TANGO6: variants seen among roughly 807,000 people sequenced by gnomAD.
TANGO6 encodes the protein transport and Golgi organization protein 6 homolog.
In TANGO6, 90 loss-of-function variants were observed where a neutral mutation model predicts 114.2. The observed-to-expected ratio is 0.79, with a 90% confidence interval of 0.66 to 0.94. TANGO6 has a LOEUF of 0.94. Among genes scored for constraint, TANGO6 ranks in the 40% least tolerant of loss-of-function variants. The pLI, the probability that TANGO6 is intolerant of heterozygous loss-of-function variation, is 0.00. For missense variants in TANGO6, 1,274 were observed against 1,315.3 expected (o/e 0.97, Z 0.49); for synonymous variants, 477 against 509.8 (o/e 0.94, Z 0.87).
rs903550832 is a variant in TANGO6, at chr16:68,983,922, A to T, written c.2842+9754A>T. Among the ~76,000 whole-genome samples the T allele has an allele frequency of 4.0e-5, 6 of 151,656 alleles. No homozygotes were observed. In the South Asian group the frequency reaches 8.3e-4, roughly 21 times the overall value. On this transcript the variant is annotated intron_variant, in intron 15 of 17. Coordinates refer to ENST00000261778, the MANE Select transcript of TANGO6 (RefSeq NM_024562.2). ...TTGGCGGGTGCCTGTTGTCCCAGCT[A>T]CTCGGGAGGCTGAGGCAGGAGAATG...
At chr16:68,950,929 G>C (rs886642657) in intron 14 of TANGO6, among the ~76,000 whole-genome samples, 28 of 151,846 alleles carry the variant, frequency 1.8e-4, no homozygotes, top group Non-Finnish European at 4.1e-4. Flanking sequence ...GTTTTTTGTG[G>C]AGCTCTCAGG....
chr16:68,868,492 A>ATTTTTTT lies in TANGO6; in HGVS notation c.994+1289_994+1295dup, dbSNP rs765054621. Among the ~76,000 whole-genome samples, 268 of 93,644 alleles carry ATTTTTTT rather than the reference A, an allele frequency of 2.9e-3. 2 individuals are homozygous for ATTTTTTT. Among genetic ancestry groups the ATTTTTTT allele is most frequent in the Non-Finnish European group, 4.3e-3 (208 of 48,196 alleles). The allele number at this position is 93,644 out of a possible 152,430, so 61.4% of individuals were successfully genotyped here. On this transcript the variant is annotated intron_variant, in intron 4 of 17. Transcript: ENST00000261778. ...TTCTGGTATTTACCTCTATATTTCT[A>ATTTTTTT]TTTTTTTTTTTTTTTTTTTTTTTGA...
chr16:69,060,347 G>T (rs1960095751), intron 17 of TANGO6, among the ~76,000 whole-genome samples: 1 of 152,036 alleles, frequency 6.6e-6, no homozygotes, highest in South Asian at 2.1e-4. Context: ...CCAAAAGCTA[G>T]CACTTTGCCC....
At chr16:68,972,001 TCATTTTATATAATAGA>T (rs1963710414) in intron 14 of TANGO6, among the ~76,000 whole-genome samples, 1 of 152,152 alleles carries the variant, frequency 6.6e-6, no homozygotes, top group Non-Finnish European at 1.5e-5. Context: ...GACTTCTTCA[TCATTTTATATAATAGA>T]GTGAACTACA....
At chr16:69,012,200 C>T (rs1348538895) in intron 15 of TANGO6, among the ~76,000 whole-genome samples, 1 of 152,188 alleles carries the variant, frequency 6.6e-6, no homozygotes, top group Non-Finnish European at 1.5e-5. Context: ...TTAGAATCTA[C>T]TGGAGTAAGT....
chr16:68,967,709 G>A (rs1331057714), intron 14 of TANGO6, among the ~76,000 whole-genome samples: 1 of 152,316 alleles, frequency 6.6e-6, no homozygotes, highest in East Asian at 1.9e-4. Context: ...AAGTGAGTAG[G>A]TGGTTTTCCG....
intron 2 of TANGO6, among the ~76,000 whole-genome samples, chr16:68,861,381 C>T (rs1439286818): frequency 6.6e-6 from 1 of 152,214 alleles, no homozygotes; most frequent in Non-Finnish European, 1.5e-5. Flanking sequence ...TGTTCCTTTT[C>T]TCTTCTCTCT....
intron 15 of TANGO6, among the ~76,000 whole-genome samples, chr16:68,983,597 A>G (rs1228529651): frequency 6.6e-6 from 1 of 152,184 alleles, no homozygotes; most frequent in Non-Finnish European, 1.5e-5. Flanking sequence ...AGAGGCCTGT[A>G]TGGAGTATTG....
chr16:68,843,592 C>T lies in TANGO6; in HGVS notation c.-26C>T, dbSNP rs774931756. On this transcript the variant is annotated 5_prime_UTR_variant, in exon 1 of 18. Coordinates refer to ENST00000261778, the MANE Select transcript of TANGO6 (RefSeq NM_024562.2). ...GCCCTGCCGAGGCGCCTGAGCGGGT[C>T]GCGAGCGTGGTGTTACACTCCAGTC... 12 of 1,607,546 alleles carry T rather than the reference C, an allele frequency of 7.5e-6. No individual in the cohort carries two copies. The African/African-American group carries it at 1.3e-4, about 18-fold the overall frequency.
At chr16:68,927,430 C>T (rs1042962880) in intron 12 of TANGO6, 138 bp from the exon 13 acceptor site, 7 of 833,724 alleles carry the variant, frequency 8.4e-6, no homozygotes, top group Non-Finnish European at 1.3e-5. Flanking sequence ...CAGTGCTGGA[C>T]CCAGGCAATA....
chr16:68,887,174 T>C (rs1962550830), intron 7 of TANGO6, among the ~76,000 whole-genome samples: 1 of 152,186 alleles, frequency 6.6e-6, no homozygotes, highest in South Asian at 2.1e-4. Flanking sequence ...CCCAACCTGT[T>C]CCCATCTTAG....
chr16:69,072,104 G>A (rs184995022), intron 17 of TANGO6, among the ~76,000 whole-genome samples: 17 of 142,796 alleles, frequency 1.2e-4, no homozygotes, highest in African/African-American at 4.5e-4. Flanking sequence ...GTGTGTATGT[G>A]TGAAGAGAGA....
At position 68,843,672 on chromosome 16, in the gene TANGO6, C is replaced by A; in HGVS notation, c.55C>A (p.Arg19=). The change falls in exon 1 of 18, where the codon CGG becomes AGG. Residue 19 remains arginine, a synonymous_variant. Coordinates refer to ENST00000261778, the MANE Select transcript of TANGO6 (RefSeq NM_024562.2). ...SGAQETCGLD[R]ILEALKLLLS... ...GGCTCAGGAGACATGCGGTCTGGAT[C>A]GGATTTTGGAGGCATTGAAGCTGCT... The A allele has an allele frequency of 6.2e-7, 1 of 1,613,746 alleles. No homozygotes were observed. Among genetic ancestry groups the A allele is most frequent in the Middle Eastern group, 1.7e-4 (1 of 6,060 alleles).
At chr16:69,067,792 C>T (rs1960239912) in intron 17 of TANGO6, among the ~76,000 whole-genome samples, 1 of 151,866 alleles carries the variant, frequency 6.6e-6, no homozygotes, top group Non-Finnish European at 1.5e-5. Context: ...ACAAAATTAG[C>T]TGGGTGTGGT....
chr16:68,951,762 G>A (rs1282056435), intron 14 of TANGO6, among the ~76,000 whole-genome samples: 2 of 151,780 alleles, frequency 1.3e-5, no homozygotes, highest in South Asian at 2.1e-4. Flanking sequence ...ACAGGCACCC[G>A]CCACCACGCC....
rs1259951575 is a variant in TANGO6, at chr16:68,974,054, C to T, written c.2728C>T (p.Pro910Ser). Residue 910 changes from proline (P) to serine (S), a missense_variant, in exon 15 of 18, where the codon CCT (proline) becomes TCT (serine). Pro to Ser is a moderately conservative substitution (Grantham distance 74). Transcript: ENST00000261778. ...GGTTGCCCTGCTGTCAGACGTCTAT[C>T]CTGAGAAAATCTTGCCGGACTTGTT... ...QGVALLSDVY[P>S]EKILPDLLAQ... The T allele has an allele frequency of 6.2e-7, 1 of 1,611,706 alleles. No individual in the cohort carries two copies. Among genetic ancestry groups the T allele is most frequent in the East Asian group, 2.2e-5 (1 of 44,854 alleles).
intron 4 of TANGO6, among the ~76,000 whole-genome samples, chr16:68,871,445 T>C (rs2152164811): frequency 6.6e-6 from 1 of 152,266 alleles, no homozygotes; most frequent in African/African-American, 2.4e-5. Context: ...TTTGCCATAT[T>C]TGGAAATTGC....
intron 17 of TANGO6, among the ~76,000 whole-genome samples, chr16:69,044,988 T>G (rs1959828824): frequency 1.3e-5 from 2 of 152,000 alleles, no homozygotes; most frequent in Middle Eastern, 3.4e-3. Flanking sequence ...AGTGAAACCC[T>G]GTCTTTACTA....
intron 14 of TANGO6, among the ~76,000 whole-genome samples, chr16:68,946,769 T>C (rs1963418675): frequency 6.6e-6 from 1 of 152,216 alleles, no homozygotes; most frequent in Non-Finnish European, 1.5e-5. Context: ...CCCAAAATGC[T>C]GAGATTACAG....
Sources: gnomAD v4.1 joint callset for allele counts (sites outside exome capture counted in the v4.1 genomes callset) on GRCh38, gnomAD v4.1.1 for gene constraint, MANE v1.5 for transcripts, NCBI Gene and HGNC (gene_info 2026-07-23, HGNC 2026-07-21) for gene names.